The following RASA2 variants were observed in gnomAD, a reference collection of about 807,000 sequenced individuals.
The protein encoded by RASA2 is ras GTPase-activating protein 2.
A neutral mutation model predicts 118.2 loss-of-function variants in RASA2; 155 were observed. The ratio of observed to expected loss-of-function variants is 1.31; its 90% CI spans 1.15 to 1.50. The LOEUF is 1.50. RASA2 is among the 40% of genes most tolerant of loss of function. The pLI, the probability that RASA2 is intolerant of heterozygous loss-of-function variation, is 0.00. For synonymous variants in RASA2, 353 were observed against 349.1 expected (o/e 1.01, Z -0.12); for missense variants, 1,016 against 1,009.6 (o/e 1.01, Z -0.09).
chr3:141,548,244 AG>A (rs2082517592), intron 5 of RASA2, among the ~76,000 whole-genome samples: 1 of 152,012 alleles, frequency 6.6e-6, no homozygotes, highest in South Asian at 2.1e-4. Flanking sequence ...GGACTAGCTG[AG>A]TAGGATTGGT....
chr3:141,533,508 G>A (rs1470798569), intron 4 of RASA2, among the ~76,000 whole-genome samples: 2 of 152,300 alleles, frequency 1.3e-5, no homozygotes, highest in Middle Eastern at 3.4e-3. Flanking sequence ...ATGCAGAAAT[G>A]TAATTTAGCT....
chr3:141,585,934 T>C, intron 17 of RASA2, 91 bp from the exon 18 acceptor site: 1 of 947,934 alleles, frequency 1.1e-6, no homozygotes, highest in Non-Finnish European at 1.5e-6. Flanking sequence ...ATGAAGAACT[T>C]CCCATTATAA....
Position 141,612,413 on chromosome 3 carries a change from C to A in RASA2, c.*100C>A. 1.1e-6 allele frequency: 1 copy of A among 909,980 alleles called. No homozygotes were observed. Among genetic ancestry groups the A allele is most frequent in the East Asian group, 2.6e-5 (1 of 37,750 alleles). 56.4% of individuals were successfully genotyped at this position (909,980 alleles called of 1,614,324 possible). On this transcript the variant is annotated 3_prime_UTR_variant, in exon 24 of 24. Transcript: ENST00000286364. ...TTCATGGTATTTAAGAATGAGCATC[C>A]GCTTCAATGTCATCTGCCTCCACAT...
intron 9 of RASA2, among the ~76,000 whole-genome samples, chr3:141,566,981 A>C (rs963558654): frequency 1.3e-5 from 2 of 152,194 alleles, no homozygotes; most frequent in African/African-American, 4.8e-5. Context: ...GCTTAAAAAA[A>C]CTCAAACTGC....
chr3:141,581,709 A>G (rs2083116330), intron 17 of RASA2, among the ~76,000 whole-genome samples: 1 of 152,182 alleles, frequency 6.6e-6, no homozygotes, highest in Non-Finnish European at 1.5e-5. Context: ...AGTAAAAAAT[A>G]TATACATTAT....
chr3:141,571,124 TA>T, intron 10 of RASA2, 56 bp downstream of exon 10: 2 of 1,498,026 alleles, frequency 1.3e-6, no homozygotes, highest in Non-Finnish European at 1.8e-6. Context: ...AATAATTCTA[TA>T]AATGATAAGG....
At chr3:141,573,105 C>A in intron 12 of RASA2, 42 bp from the exon 13 acceptor site, 1 of 1,463,052 alleles carries the variant, frequency 6.8e-7, no homozygotes, top group Non-Finnish European at 9.2e-7. Flanking sequence ...TTTTGTCAGA[C>A]TACTTAGAAA....
At chr3:141,541,476 G>A (rs1320619554) in intron 5 of RASA2, among the ~76,000 whole-genome samples, 2 of 151,972 alleles carry the variant, frequency 1.3e-5, no homozygotes, top group Non-Finnish European at 2.9e-5. Flanking sequence ...GATTGCATAT[G>A]TATGACTCTT....
At chr3:141,500,246 C>T (rs1278415051) in intron 1 of RASA2, among the ~76,000 whole-genome samples, 1 of 152,078 alleles carries the variant, frequency 6.6e-6, no homozygotes, top group East Asian at 1.9e-4. Flanking sequence ...TTTGTTTCTT[C>T]ATACCCTGCA....
At chr3:141,582,150 G>A (rs1314685059) in intron 17 of RASA2, among the ~76,000 whole-genome samples, 2 of 152,178 alleles carry the variant, frequency 1.3e-5, no homozygotes, top group Non-Finnish European at 2.9e-5. Context: ...CTAGCAGTTG[G>A]TTGCCAGAGT....
intron 3 of RASA2, among the ~76,000 whole-genome samples, chr3:141,516,770 C>T (rs1018597361): frequency 1.3e-5 from 2 of 151,468 alleles, no homozygotes; most frequent in African/African-American, 4.8e-5. Context: ...AGGGCAGGGA[C>T]TCTTTTTTTG....
At chr3:141,559,327 C>T (rs1304420581) in intron 8 of RASA2, among the ~76,000 whole-genome samples, 1 of 152,002 alleles carries the variant, frequency 6.6e-6, no homozygotes. Context: ...AACATATCTG[C>T]TGTCTAACAG....
intron 2 of RASA2, among the ~76,000 whole-genome samples, chr3:141,515,967 C>T (rs2082017792): frequency 6.9e-6 from 1 of 145,976 alleles, no homozygotes; most frequent in Non-Finnish European, 1.5e-5. Flanking sequence ...AACCAAACAC[C>T]ACATGTTCTC....
At chr3:141,550,320 C>T (rs1271381960) in intron 5 of RASA2, among the ~76,000 whole-genome samples, 1 of 152,136 alleles carries the variant, frequency 6.6e-6, no homozygotes, top group Non-Finnish European at 1.5e-5. Context: ...CATGAGTAAA[C>T]ATCAGACAAA....
intron 14 of RASA2, among the ~76,000 whole-genome samples, chr3:141,576,704 T>C (rs1431606160): frequency 6.6e-6 from 1 of 152,238 alleles, no homozygotes; most frequent in South Asian, 2.1e-4. Flanking sequence ...TCTGTTGTAA[T>C]TTTAGCAGTC....
intron 3 of RASA2, among the ~76,000 whole-genome samples, chr3:141,519,486 A>G (rs968090360): frequency 6.6e-6 from 1 of 152,006 alleles, no homozygotes; most frequent in Non-Finnish European, 1.5e-5. Flanking sequence ...TTATTTTTAG[A>G]TATGTTAACT....
intron 4 of RASA2, among the ~76,000 whole-genome samples, chr3:141,539,758 A>G (rs555244584): frequency 6.6e-6 from 1 of 152,280 alleles, no homozygotes; most frequent in South Asian, 2.1e-4. Flanking sequence ...CAAGCTCTAG[A>G]TTATATTGTT....
chr3:141,607,391 G>C (rs2083564547), intron 19 of RASA2, among the ~76,000 whole-genome samples: 1 of 151,864 alleles, frequency 6.6e-6, no homozygotes, highest in Non-Finnish European at 1.5e-5. Context: ...ATAAAATTTT[G>C]TAACTTTCTT....
chr3:141,523,850 ATC>A (rs1438631705), intron 3 of RASA2, among the ~76,000 whole-genome samples: 2 of 152,192 alleles, frequency 1.3e-5, no homozygotes, highest in African/African-American at 4.8e-5. Context: ...TATCTATGTG[ATC>A]TTCATTGAGT....
Sources: gnomAD v4.1 joint callset for allele counts (sites outside exome capture counted in the v4.1 genomes callset) on GRCh38, gnomAD v4.1.1 for gene constraint, MANE v1.5 for transcripts, NCBI Gene and HGNC (gene_info 2026-07-23, HGNC 2026-07-21) for gene names.